Variants in WNT7A observed in about 807,000 individuals in gnomAD.
WNT7A encodes protein Wnt-7a.
Under a neutral mutation model 28.2 loss-of-function variants are expected in WNT7A, and 16 were observed. The ratio of observed to expected loss-of-function variants is 0.57; its 90% CI spans 0.38 to 0.86. WNT7A has a LOEUF of 0.86. Among genes scored for constraint, WNT7A ranks in the 40% least tolerant of loss-of-function variants. The probability of loss-of-function intolerance (pLI) is 0.00; values close to 1 mark genes in which losing one functional copy is unlikely to be tolerated. For missense variants in WNT7A, 411 were observed against 489.7 expected (o/e 0.84, Z 1.52); for synonymous variants, 190 against 195.9 (o/e 0.97, Z 0.25).
chr3:13,877,498 T>G (rs1020793857), intron 1 of WNT7A, among the ~76,000 whole-genome samples: 4 of 152,074 alleles, frequency 2.6e-5, no homozygotes, highest in Admixed American at 2.6e-4. Context: ...ACCAGGAAAT[T>G]TCTACACCAG....
chr3:13,879,860 C>G lies in WNT7A; in HGVS notation c.-44G>C. 1 of 1,523,856 alleles carries G rather than the reference C, an allele frequency of 6.6e-7. No homozygotes were observed. The highest frequency in any genetic ancestry group is 1.2e-5 in the South Asian group (1 of 80,512). 94.4% of individuals were successfully genotyped at this position (1,523,856 alleles called of 1,614,324 possible). A position where few individuals can be genotyped will look rare whatever the true frequency, so the allele number is the denominator to read the frequency against. ...GGGCCGCGGGCCGGGCTGTGCTGAT[C>G]CCGCGGGCCGGCCCCGGCGGGGCAA... On this transcript the variant is annotated 5_prime_UTR_variant, in exon 1 of 4. Coordinates refer to ENST00000285018, the MANE Select transcript of WNT7A (RefSeq NM_004625.4).
intron 3 of WNT7A, among the ~76,000 whole-genome samples, chr3:13,843,004 C>T (rs116680727): frequency 0.015 from 2,260 of 152,276 alleles, 60 homozygotes; most frequent in African/African-American, 0.051. Context: ...CCTAGGTGGA[C>T]ATCACCTATT....
intron 3 of WNT7A, among the ~76,000 whole-genome samples, chr3:13,851,482 G>T (rs911120512): frequency 2.6e-5 from 4 of 152,180 alleles, no homozygotes; most frequent in Non-Finnish European, 5.9e-5. Flanking sequence ...CCTGCTAAGA[G>T]TTCCCTTCTT....
In WNT7A at chr3:13,854,541, T is replaced by C; in HGVS notation, c.561A>G (p.Ala187=). 6.2e-7 allele frequency: 1 copy of C among 1,614,150 alleles called. No individual in the cohort carries two copies. The highest frequency in any genetic ancestry group is 8.5e-7 in the Non-Finnish European group (1 of 1,180,040). Residue 187 remains alanine (A), a synonymous_variant, in exon 3 of 4, where the codon GCA becomes GCG. Transcript: ENST00000285018. The part of the protein sequence containing the change: ...RTLMNLHNNE[A]GRKILEENMK... ...CTCCCTGGCTTCCTACCTTTCGGCC[T>C]GCCTCGTTGTTGTGCAAGTTCATGA...
At chr3:13,868,802 G>C (rs569967663) in intron 2 of WNT7A, among the ~76,000 whole-genome samples, 502 of 34,800 alleles carry the variant, frequency 0.014, 7 homozygotes, top group African/African-American at 0.042. Flanking sequence ...GGGAGAGAGA[G>C]AGAAAGAAAG....
chr3:13,825,390 G>C (rs1694177136), intron 3 of WNT7A, among the ~76,000 whole-genome samples: 1 of 152,106 alleles, frequency 6.6e-6, no homozygotes. Flanking sequence ...CATTCCCCCA[G>C]GCCAATTGCC....
intron 2 of WNT7A, among the ~76,000 whole-genome samples, chr3:13,857,474 C>T (rs1458953676): frequency 6.6e-6 from 1 of 152,120 alleles, no homozygotes; most frequent in Non-Finnish European, 1.5e-5. Flanking sequence ...TCCACACCAG[C>T]CAGCGCAGGA....
chr3:13,843,003 A>T (rs1010876819), intron 3 of WNT7A, among the ~76,000 whole-genome samples: 1 of 152,164 alleles, frequency 6.6e-6, no homozygotes. Context: ...ACCTAGGTGG[A>T]CATCACCTAT....
At chr3:13,821,500 G>A (rs944371989) in intron 3 of WNT7A, among the ~76,000 whole-genome samples, 5 of 152,148 alleles carry the variant, frequency 3.3e-5, no homozygotes, top group African/African-American at 9.7e-5. Context: ...GTTCATAATC[G>A]CTCTGACCTG....
At chr3:13,859,168 G>T (rs772642552) in intron 2 of WNT7A, among the ~76,000 whole-genome samples, 1 of 152,216 alleles carries the variant, frequency 6.6e-6, no homozygotes, top group East Asian at 1.9e-4. Flanking sequence ...GGTCACAGCA[G>T]AGAGGCAAGT....
At chr3:13,864,676 G>A (rs1694882814) in intron 2 of WNT7A, among the ~76,000 whole-genome samples, 1 of 152,224 alleles carries the variant, frequency 6.6e-6, no homozygotes, top group Non-Finnish European at 1.5e-5. Flanking sequence ...GAATAAATGA[G>A]TGGACATACA....
chr3:13,866,726 G>A (rs1203686729), intron 2 of WNT7A, among the ~76,000 whole-genome samples: 1 of 152,182 alleles, frequency 6.6e-6, no homozygotes, highest in Non-Finnish European at 1.5e-5. Flanking sequence ...AGGAGCAGGG[G>A]ATGGGTGTGC....
chr3:13,850,306 G>A (rs893469237), intron 3 of WNT7A, among the ~76,000 whole-genome samples: 11 of 152,204 alleles, frequency 7.2e-5, no homozygotes, highest in Non-Finnish European at 1.5e-4. Flanking sequence ...CGGGACAGCA[G>A]AGAGGAGCAT....
At chr3:13,840,833 A>G (rs1435459185) in intron 3 of WNT7A, among the ~76,000 whole-genome samples, 1 of 152,130 alleles carries the variant, frequency 6.6e-6, no homozygotes, top group Non-Finnish European at 1.5e-5. Context: ...CCATCTATAT[A>G]TCCATCCATT....
In WNT7A at chr3:13,819,421, G is replaced by T; in HGVS notation, c.573C>A (p.Ile191=). The change falls in exon 4 of 4, where the codon ATC becomes ATA. Residue 191 remains isoleucine, a splice_region_variant and synonymous_variant. Coordinates refer to ENST00000285018, the MANE Select transcript of WNT7A (RefSeq NM_004625.4). ...ATTCCAGCTTCATGTTCTCCTCCAG[G>T]ATCTGCAGGGGAGGGCGGGGAAGAG... is the stretch of plus-strand genomic sequence containing the variant. ...NLHNNEAGRK[I]LEENMKLECK... is the part of the protein sequence containing the mutation. The T allele has an allele frequency of 1.9e-6, 3 of 1,612,626 alleles. No individual in the cohort carries two copies. The highest frequency in any genetic ancestry group is 8.5e-7 in the Non-Finnish European group (1 of 1,179,986).
At chr3:13,848,140 G>T (rs1327039304) in intron 3 of WNT7A, among the ~76,000 whole-genome samples, 1 of 152,040 alleles carries the variant, frequency 6.6e-6, no homozygotes, top group East Asian at 1.9e-4. Context: ...AAATCTTTGG[G>T]ATCTAGGGCT....
chr3:13,833,532 C>T (rs1028449233), intron 3 of WNT7A, among the ~76,000 whole-genome samples: 14 of 152,220 alleles, frequency 9.2e-5, no homozygotes, highest in Non-Finnish European at 1.3e-4. Flanking sequence ...GTGGAATAGT[C>T]GAGCCCCACA....
At chr3:13,868,778 GA>G (rs1694970318) in intron 2 of WNT7A, among the ~76,000 whole-genome samples, 2 of 84,318 alleles carry the variant, frequency 2.4e-5, no homozygotes, top group African/African-American at 4.6e-5. Flanking sequence ...GAAGGGAAGG[GA>G]GGAAGGAAGG....
chr3:13,840,990 TCTGTC>T (rs1460791816), intron 3 of WNT7A, among the ~76,000 whole-genome samples: 1 of 152,242 alleles, frequency 6.6e-6, no homozygotes, highest in Admixed American at 6.5e-5. Context: ...CTCTTCTCCT[TCTGTC>T]ATTAGAATGT....
Sources: allele counts gnomAD v4.1 joint callset (sites outside exome capture counted in the v4.1 genomes callset), GRCh38; gene constraint gnomAD v4.1.1; transcripts MANE v1.5; gene names NCBI Gene and HGNC (gene_info 2026-07-23, HGNC 2026-07-21).